Variants in PYGB observed in about 807,000 individuals in gnomAD.
The protein encoded by PYGB is glycogen phosphorylase, brain form.
Under a neutral mutation model 94.3 loss-of-function variants are expected in PYGB, and 82 were observed. The observed-to-expected ratio is 0.87, with a 90% CI of 0.73 to 1.04. PYGB has a LOEUF of 1.04. Among genes scored for constraint, PYGB ranks in the 50% least tolerant of loss-of-function variants. The pLI is 0.00. For synonymous variants in PYGB, 488 were observed against 479.1 expected (o/e 1.02, Z -0.24); for missense variants, 1,132 against 1,158.2 (o/e 0.98, Z 0.33).
At position 25,282,279 on chromosome 20, in the gene PYGB, G is replaced by A. The variant is rs2088375284; in HGVS notation, c.1518+132G>A. 10 of 724,126 alleles carry A rather than the reference G, an allele frequency of 1.4e-5. No individual in the cohort carries two copies. In the South Asian group the frequency reaches 1.7e-4, roughly 12 times the overall value. The allele number at this position is 724,126 out of a possible 1,614,324, so 44.9% of individuals were successfully genotyped here. A position where few individuals can be genotyped will look rare whatever the true frequency, so the allele number is the denominator to read the frequency against. On this transcript the variant is annotated intron_variant, in intron 12 of 19. Transcript: ENST00000216962. ...CTCACGTGTTGACCTGCAGGCTTCTGGACATGAGGGCTGAGCCCCTGAACA... is the reference window on the plus strand; with the variant it reads ...CTCACGTGTTGACCTGCAGGCTTCTAGACATGAGGGCTGAGCCCCTGAACA...
rs776924369 is a variant in PYGB, at chr20:25,284,214, G to A, written c.1731G>A (p.Gln577=). ...AGAGGATCCACGAGTACAAGCGGCA[G>A]CTGCTCAACTGCCTGCACGTCGTCA... The part of the protein sequence containing the change: ...HVKRIHEYKR[Q]LLNCLHVVTL... The change falls in exon 14 of 20, where the codon CAG becomes CAA. Residue 577 remains glutamine (Q), a synonymous_variant. Coordinates refer to ENST00000216962, the MANE Select transcript of PYGB (RefSeq NM_002862.4). 1.9e-5 allele frequency: 30 copies of A among 1,614,020 alleles called. No homozygotes were observed. Among genetic ancestry groups the A allele is most frequent in the Non-Finnish European group, 2.5e-5 (29 of 1,180,022 alleles).
intron 8 of PYGB, 138 bp from the exon 9 acceptor site, chr20:25,278,919 C>G (rs770105891): frequency 1.3e-5 from 10 of 785,346 alleles, no homozygotes; most frequent in African/African-American, 1.7e-5. Context: ...CTCCACAGAA[C>G]CCCTCCCTGT....
At position 25,248,302 on chromosome 20, in the gene PYGB, A is replaced by G; in HGVS notation, c.124A>G (p.Lys42Glu). 5 of 1,604,892 alleles carry G rather than the reference A, an allele frequency of 3.1e-6. No individual in the cohort carries two copies. Among genetic ancestry groups the G allele is most frequent in the South Asian group, 1.1e-5 (1 of 89,612 alleles). Residue 42 changes from lysine (K) to glutamate (E), a missense_variant, in exon 1 of 20, where the codon AAG (lysine) becomes GAG (glutamate). Lys to Glu is a moderately conservative substitution (Grantham distance 56). Transcript: ENST00000216962. ...FNRHLHFTLVKDRNVATPRDY... is the reference protein window; with the variant it reads ...FNRHLHFTLVEDRNVATPRDY... ...CCGGCACTTGCACTTCACGCTGGTC[A>G]AGGACCGCAATGTGGCCACGCCCCG... is the stretch of plus-strand genomic sequence containing the variant.
At chr20:25,288,118 G>T in intron 14 of PYGB, 1 of 507,762 alleles carries the variant, frequency 2.0e-6, no homozygotes. Context: ...GAGCCCCGGG[G>T]AATAGCATCT....
rs2088562783 is a variant in PYGB at position 25,297,301 on chromosome 20, A to G, written c.*779A>G. On this transcript the variant is annotated 3_prime_UTR_variant, in exon 20 of 20. Coordinates refer to ENST00000216962, the MANE Select transcript of PYGB (RefSeq NM_002862.4). ...CTTATTCAAAAGAGAAAATAACTACACATGGAAATGAAACTAGCTGAAGCC... is the reference window on the plus strand; with the variant it reads ...CTTATTCAAAAGAGAAAATAACTACGCATGGAAATGAAACTAGCTGAAGCC... The G allele has an allele frequency of 6.6e-6, 1 of 152,296 alleles. No homozygotes were observed. The highest frequency in any genetic ancestry group is 6.5e-5 in the Admixed American group (1 of 15,294). The allele number at this position is 152,296 out of a possible 1,614,324, so 9.4% of individuals were successfully genotyped here.
chr20:25,271,293 A>T, intron 3 of PYGB, 90 bp from the exon 4 acceptor site: 5 of 1,225,540 alleles, frequency 4.1e-6, no homozygotes, highest in Non-Finnish European at 4.8e-6. Context: ...ATCCCCTCTG[A>T]ATTTCTGCCT....
chr20:25,274,769 G>T, intron 5 of PYGB, 46 bp downstream of exon 5: 1 of 1,594,554 alleles, frequency 6.3e-7, no homozygotes, highest in South Asian at 1.1e-5. Context: ...GCCAGGTGAG[G>T]GGGCTGCTGC....
intron 1 of PYGB, among the ~76,000 whole-genome samples, chr20:25,252,050 A>G (rs1418148906): frequency 6.6e-6 from 1 of 152,120 alleles, no homozygotes; most frequent in South Asian, 2.1e-4. Context: ...TAACACTCCC[A>G]ATTTTTCTGA....
At chr20:25,262,844 C>G (rs976102994) in intron 2 of PYGB, among the ~76,000 whole-genome samples, 1 of 151,980 alleles carries the variant, frequency 6.6e-6, no homozygotes, top group Non-Finnish European at 1.5e-5. Context: ...GACTTTAAAC[C>G]AACAAAGATC....
chr20:25,295,472 G>C (rs2424705), intron 18 of PYGB, 132 bp from the exon 19 acceptor site: 1 of 1,005,106 alleles, frequency 9.9e-7, no homozygotes, highest in South Asian at 1.4e-5. Context: ...GACCAGCTGC[G>C]TGGGTGGGCC....
At chr20:25,290,339 C>T (rs1426745517) in intron 15 of PYGB, 142 bp from the exon 16 acceptor site, 33 of 1,090,278 alleles carry the variant, frequency 3.0e-5, no homozygotes, top group Non-Finnish European at 4.2e-5. Flanking sequence ...CGGGGAGCCT[C>T]CCTAGCTCCT....
At chr20:25,252,702 C>T (rs2092891504) in intron 1 of PYGB, among the ~76,000 whole-genome samples, 1 of 152,282 alleles carries the variant, frequency 6.6e-6, no homozygotes, top group Non-Finnish European at 1.5e-5. Flanking sequence ...CTTCCATTCC[C>T]TCTGCAGGTG....
At chr20:25,291,586 C>T (rs1337433522) in intron 16 of PYGB, among the ~76,000 whole-genome samples, 1 of 152,224 alleles carries the variant, frequency 6.6e-6, no homozygotes, top group Non-Finnish European at 1.5e-5. Flanking sequence ...CACTCACGGG[C>T]CGGCTTGCCT....
intron 1 of PYGB, among the ~76,000 whole-genome samples, chr20:25,256,968 C>G (rs1033576505): frequency 3.3e-5 from 5 of 152,166 alleles, no homozygotes; most frequent in African/African-American, 1.2e-4. Flanking sequence ...GAGTCCTAGC[C>G]TAGCCCTGTG....
rs550539538 is a variant in PYGB at position 25,267,530 on chromosome 20, T to G, written c.346-1599T>G. Among the ~76,000 whole-genome samples the G allele has an allele frequency of 4.9e-5, 6 of 121,418 alleles. No individual in the cohort carries two copies. The East Asian group carries it at 5.4e-3, about 110-fold the overall frequency. The allele number at this position is 121,418 out of a possible 152,430, so 79.7% of individuals were successfully genotyped here. The stretch of plus-strand genomic sequence containing the variant: ...TTTGGACTTTGTCAGCTACTTTTTG[T>G]GTCATTGTTGTTGTTGTTGAGACAG... On this transcript the variant is annotated intron_variant, in intron 2 of 19. Coordinates refer to ENST00000216962, the MANE Select transcript of PYGB (RefSeq NM_002862.4).
chr20:25,259,937 C>G (rs1295371750), intron 2 of PYGB, among the ~76,000 whole-genome samples: 1 of 152,214 alleles, frequency 6.6e-6, no homozygotes, highest in Non-Finnish European at 1.5e-5. Flanking sequence ...TAACCTTTTA[C>G]CTGCGCATAG....
intron 1 of PYGB, among the ~76,000 whole-genome samples, chr20:25,252,538 C>T (rs529247281): frequency 3.5e-4 from 53 of 152,232 alleles, no homozygotes; most frequent in Non-Finnish European, 3.2e-4. Context: ...GACCTCTGAC[C>T]GACAGCCTCC....
chr20:25,288,473 T>G lies in PYGB; in HGVS notation c.1817T>G (p.Ile606Ser). ...AKAFVPRTVM[I>S]GGKAAPGYHM... ...GCTTTTGTGCCCAGGACTGTTATGA[T>G]TGGGGGCAAGGTGAGTGACTTCCTC... The change falls in exon 15 of 20, where the codon ATT becomes AGT. Residue 606 changes from isoleucine to serine, a missense_variant. Transcript: ENST00000216962. 6.2e-7 allele frequency: 1 copy of G among 1,613,956 alleles called. No individual in the cohort carries two copies. The highest frequency in any genetic ancestry group is 8.5e-7 in the Non-Finnish European group (1 of 1,179,956).
intron 2 of PYGB, among the ~76,000 whole-genome samples, chr20:25,267,472 T>G (rs2088227945): frequency 6.6e-6 from 1 of 152,234 alleles, no homozygotes; most frequent in Non-Finnish European, 1.5e-5. Flanking sequence ...GCTCTTTTTC[T>G]GTCTTCAGTT....
Sources: gnomAD v4.1 joint callset for allele counts (sites outside exome capture counted in the v4.1 genomes callset) on GRCh38, gnomAD v4.1.1 for gene constraint, MANE v1.5 for transcripts, NCBI Gene and HGNC (gene_info 2026-07-23, HGNC 2026-07-21) for gene names.